The following PAK1 variants were observed in gnomAD, a reference collection of about 807,000 sequenced individuals.
The protein encoded by PAK1 is serine/threonine-protein kinase PAK 1.
PAK1 carries 29 observed loss-of-function variants against 67.4 expected under a neutral mutation model. The ratio of observed to expected loss-of-function variants is 0.43; its 90% confidence interval spans 0.32 to 0.59. The LOEUF is 0.59. Among genes scored for constraint, PAK1 ranks in the 20% least tolerant of loss-of-function variants. The probability of loss-of-function intolerance (pLI) is 0.07; values close to 1 mark genes in which losing one functional copy is unlikely to be tolerated. For synonymous variants in PAK1, 223 were observed against 237.4 expected (o/e 0.94, Z 0.56); for missense variants, 337 against 670.7 (o/e 0.50, Z 5.50).
chr11:77,348,354 C>G (rs769672413), intron 9 of PAK1, among the ~76,000 whole-genome samples: 6 of 152,194 alleles, frequency 3.9e-5, no homozygotes, highest in Non-Finnish European at 4.4e-5. Flanking sequence ...AAGGAAACCT[C>G]AAGTACTCTA....
At chr11:77,327,237 C>CA (rs1344976028) in intron 14 of PAK1, among the ~76,000 whole-genome samples, 1 of 152,144 alleles carries the variant, frequency 6.6e-6, no homozygotes, top group Non-Finnish European at 1.5e-5. Context: ...AGAACTTCCC[C>CA]AATCTAGCAA....
chr11:77,356,632 G>A (rs1946075956), intron 6 of PAK1, among the ~76,000 whole-genome samples: 1 of 151,966 alleles, frequency 6.6e-6, no homozygotes, highest in Admixed American at 6.6e-5. Context: ...TAATATGTGA[G>A]GTAATCAGAC....
intron 3 of PAK1, 99 bp from the exon 4 acceptor site, chr11:77,379,487 G>T: frequency 9.6e-7 from 1 of 1,043,004 alleles, no homozygotes; most frequent in African/African-American, 1.6e-5. Flanking sequence ...AGCAAAAGAT[G>T]CATTTATTAG....
At chr11:77,419,970 G>A (rs1369537747) in intron 1 of PAK1, among the ~76,000 whole-genome samples, 1 of 151,862 alleles carries the variant, frequency 6.6e-6, no homozygotes, top group Non-Finnish European at 1.5e-5. Flanking sequence ...AAAGAAAGAT[G>A]GAAACGAAAA....
intron 12 of PAK1, 64 bp from the exon 13 acceptor site, chr11:77,336,346 G>T: frequency 1.6e-6 from 2 of 1,263,738 alleles, no homozygotes; most frequent in African/African-American, 1.5e-5. Context: ...AGTAAGTGTT[G>T]ACTGTGTACC....
chr11:77,369,447 T>C (rs1948103653), intron 5 of PAK1, among the ~76,000 whole-genome samples: 1 of 121,412 alleles, frequency 8.2e-6, no homozygotes, highest in Admixed American at 8.4e-5. Context: ...TACATTTCTT[T>C]TTTTTTTTTT....
At chr11:77,525,208 G>A in the PAK1 span, among the ~76,000 whole-genome samples, 2 of 151,694 alleles carry the variant, frequency 1.3e-5, no homozygotes, top group Non-Finnish European at 2.9e-5. Flanking sequence ...AAATTGCTGG[G>A]TGTGGTGGTG....
chr11:77,470,223 A>G (rs1409422920), intron 1 of PAK1, among the ~76,000 whole-genome samples: 1 of 152,200 alleles, frequency 6.6e-6, no homozygotes, highest in Non-Finnish European at 1.5e-5. Context: ...TTTCCCCAAC[A>G]AAGCCCATGA....
At chr11:77,385,396 T>G (rs1178379094) in intron 2 of PAK1, among the ~76,000 whole-genome samples, 4 of 152,214 alleles carry the variant, frequency 2.6e-5, no homozygotes, top group East Asian at 3.8e-4. Context: ...AGGAAATAAT[T>G]AATAAATTTG....
At position 77,355,660 on chromosome 11, in the gene PAK1, T is replaced by C. The variant is rs1013535400; in HGVS notation, c.772+8A>G. 3.7e-6 allele frequency: 6 copies of C among 1,608,984 alleles called. No homozygotes were observed. In the African/African-American group the frequency reaches 4.0e-5, roughly 11 times the overall value. ...GAAGAAAGGTTCAGAAAGCTACAAA[T>C]TCCTTACGTAATTTCTCCAAGATCT... On this transcript the variant is annotated splice_region_variant and intron_variant, in intron 7 of 14. Coordinates refer to ENST00000356341, the MANE Select transcript of PAK1 (RefSeq NM_002576.5).
chr11:77,429,729 G>GT (rs1349414645), intron 1 of PAK1, among the ~76,000 whole-genome samples: 1 of 152,206 alleles, frequency 6.6e-6, no homozygotes, highest in African/African-American at 2.4e-5. Flanking sequence ...GCTTCTAAAT[G>GT]TAACACGTGA....
At chr11:77,347,822 C>T (rs774913841) in intron 9 of PAK1, among the ~76,000 whole-genome samples, 1 of 152,254 alleles carries the variant, frequency 6.6e-6, no homozygotes, top group East Asian at 1.9e-4. Context: ...TGCATTTTCA[C>T]ATGTATTGCT....
At chr11:77,518,935 T>C in the PAK1 span, among the ~76,000 whole-genome samples, 1 of 152,226 alleles carries the variant, frequency 6.6e-6, no homozygotes, top group African/African-American at 2.4e-5. Context: ...ATTATTAGAA[T>C]TGTGCCATAT....
the PAK1 span, among the ~76,000 whole-genome samples, chr11:77,513,057 T>A: frequency 1.3e-5 from 2 of 152,124 alleles, no homozygotes; most frequent in Admixed American, 6.5e-5. Context: ...GCCACTGCAC[T>A]CCAGCCTGGG....
intron 1 of PAK1, among the ~76,000 whole-genome samples, chr11:77,461,554 C>T (rs1481466210): frequency 6.6e-6 from 1 of 152,010 alleles, no homozygotes; most frequent in Admixed American, 6.6e-5. Flanking sequence ...TTAAATTTTA[C>T]AATGAAGACT....
At chr11:77,423,332 TAAA>T (rs142590494) in intron 1 of PAK1, among the ~76,000 whole-genome samples, 3 of 134,388 alleles carry the variant, frequency 2.2e-5, no homozygotes, top group African/African-American at 5.4e-5. Flanking sequence ...CCAAGTTCTT[TAAA>T]AAAAAAAAAA....
chr11:77,482,457 A>G, the PAK1 span, among the ~76,000 whole-genome samples: 1 of 152,252 alleles, frequency 6.6e-6, no homozygotes, highest in Non-Finnish European at 1.5e-5. Context: ...TCCATAAATT[A>G]TCAGTGTCTC....
chr11:77,355,906 G>T, intron 6 of PAK1, 64 bp from the exon 7 acceptor site: 1 of 1,016,716 alleles, frequency 9.8e-7, no homozygotes, highest in Non-Finnish European at 1.5e-6. Flanking sequence ...ACCTCTCCTA[G>T]ATGTGAGGTT....
intron 1 of PAK1, among the ~76,000 whole-genome samples, chr11:77,450,939 T>C (rs1956825416): frequency 6.7e-6 from 1 of 149,552 alleles, no homozygotes; most frequent in Non-Finnish European, 1.5e-5. Flanking sequence ...GAGTTTAGAA[T>C]GGAAATCTGA....
Sources: gnomAD v4.1 joint callset for allele counts (sites outside exome capture counted in the v4.1 genomes callset) on GRCh38, gnomAD v4.1.1 for gene constraint, MANE v1.5 for transcripts, NCBI Gene and HGNC (gene_info 2026-07-23, HGNC 2026-07-21) for gene names.